The following SHQ1 variants were observed in gnomAD, a reference collection of about 807,000 sequenced individuals.
SHQ1 encodes the protein SHQ1, H/ACA ribonucleoprotein assembly factor.
Under a neutral mutation model 53.8 loss-of-function variants are expected in SHQ1, and 49 were observed. That is an observed-to-expected ratio of 0.91 (90% CI 0.72 to 1.16). The LOEUF (loss-of-function observed/expected upper bound fraction) is 1.16, where lower values mean the gene tolerates loss of function less well. SHQ1 is among the 50% of genes most tolerant of loss of function. The pLI is 0.00. For synonymous variants in SHQ1, 243 were observed against 251.0 expected, an observed-to-expected ratio of 0.97 and a Z score of 0.30; for missense variants, 738 against 683.1, an observed-to-expected ratio of 1.08 and a Z score of -0.90.
chr3:72,746,133 G>T (rs1480817419), downstream of SHQ1, among the ~76,000 whole-genome samples: 1 of 152,136 alleles, frequency 6.6e-6, no homozygotes, highest in Non-Finnish European at 1.5e-5. Context: ...ATGAGCCATC[G>T]CGCCCAGCCC....
the SHQ1 span, among the ~76,000 whole-genome samples, chr3:72,735,360 G>A: frequency 6.8e-6 from 1 of 146,200 alleles, no homozygotes; most frequent in Non-Finnish European, 1.5e-5. Flanking sequence ...CTAGCTCGAG[G>A]CTTGTTGGTC....
chr3:72,737,325 G>A, the SHQ1 span, among the ~76,000 whole-genome samples: 48 of 151,974 alleles, frequency 3.2e-4, no homozygotes, highest in African/African-American at 1.1e-3. Context: ...GTACTGTAGG[G>A]TTAAAACCAC....
At chr3:72,753,713 A>G (rs926073788) in intron 10 of SHQ1, 3 of 821,278 alleles carry the variant, frequency 3.7e-6, no homozygotes, top group Non-Finnish European at 4.4e-6. Flanking sequence ...GAGTCAGTTA[A>G]TGATTCACCA....
At chr3:72,795,927 A>AC (rs1290887107) in intron 9 of SHQ1, among the ~76,000 whole-genome samples, 17 of 151,946 alleles carry the variant, frequency 1.1e-4, no homozygotes, top group African/African-American at 4.1e-4. Context: ...GCATGGTGAA[A>AC]CCCCATCTCT....
chr3:72,734,640 T>C, the SHQ1 span, among the ~76,000 whole-genome samples: 41 of 151,594 alleles, frequency 2.7e-4, 1 homozygote, highest in African/African-American at 9.2e-4. Flanking sequence ...AAATGGTACA[T>C]TGCATCTAGC....
At chr3:72,742,619 C>CTTTTT in the SHQ1 span, among the ~76,000 whole-genome samples, 9 of 128,612 alleles carry the variant, frequency 7.0e-5, 1 homozygote, top group Non-Finnish European at 1.1e-4. Context: ...TTCTTTTTTT[C>CTTTTT]TTTTTTTTTT....
At chr3:72,757,145 C>T (rs775627572) in intron 10 of SHQ1, among the ~76,000 whole-genome samples, 2 of 152,188 alleles carry the variant, frequency 1.3e-5, no homozygotes, top group Non-Finnish European at 2.9e-5. Context: ...CTATAAATCT[C>T]AGAGTAACCG....
At chr3:72,753,588 C>T in intron 10 of SHQ1, 1 of 985,272 alleles carries the variant, frequency 1.0e-6, no homozygotes, top group Non-Finnish European at 1.2e-6. Context: ...AGGGCAGTCA[C>T]CATCGTTGAT....
In SHQ1 at chr3:72,848,421, C is replaced by T. The variant is rs759599165; in HGVS notation, c.-81G>A. On this transcript the variant is annotated 5_prime_UTR_variant, in exon 1 of 11. The change creates a new upstream start codon in the 5' untranslated region. Transcript: ENST00000325599. ...GCCACGCAAACTCTCCAACTCCCCA[C>T]GCGCAGGAACTCTCGGTGTGAGGGA... is the stretch of plus-strand genomic sequence containing the variant. 6.4e-7 allele frequency: 1 copy of T among 1,565,686 alleles called. No individual in the cohort carries two copies. The highest frequency in any genetic ancestry group is 8.6e-7 in the Non-Finnish European group (1 of 1,158,342).
intron 10 of SHQ1, among the ~76,000 whole-genome samples, chr3:72,778,601 C>T (rs1706007698): frequency 1.3e-5 from 2 of 151,974 alleles, no homozygotes; most frequent in African/African-American, 2.4e-5. Context: ...TTTTATATTT[C>T]ATAAGAAAAC....
Position 72,839,822 on chromosome 3 carries a change from G to A in SHQ1, c.486+1223C>T, listed in dbSNP as rs561099119. Reference sequence around the variant, plus strand: ...GTTGCCCAGGCTGGAGTGCAGTGGCGAGATCTCAGCTCACTGCAACCTCTG... The same window carrying A: ...GTTGCCCAGGCTGGAGTGCAGTGGCAAGATCTCAGCTCACTGCAACCTCTG... On this transcript the variant is annotated intron_variant, in intron 4 of 10. Coordinates refer to ENST00000325599, the MANE Select transcript of SHQ1 (RefSeq NM_018130.3). 1.1e-4 allele frequency among the ~76,000 whole-genome samples: 16 copies of A among 152,088 alleles called. No individual in the cohort carries two copies. In the South Asian group the frequency reaches 1.2e-3, roughly 12 times the overall value.
intron 1 of SHQ1, chr3:72,846,120 T>C: frequency 8.0e-7 from 1 of 1,242,692 alleles, no homozygotes; most frequent in Non-Finnish European, 1.1e-6. Flanking sequence ...AGGTGAGCAT[T>C]CAGAAAATGT....
the SHQ1 span, among the ~76,000 whole-genome samples, chr3:72,728,947 G>A: frequency 1.3e-5 from 2 of 152,218 alleles, no homozygotes; most frequent in Admixed American, 1.3e-4. Context: ...CGCTGCTACT[G>A]AGAGCCCAGA....
At chr3:72,803,545 G>T (rs1258360082) in intron 9 of SHQ1, among the ~76,000 whole-genome samples, 1 of 152,188 alleles carries the variant, frequency 6.6e-6, no homozygotes, top group African/African-American at 2.4e-5. Flanking sequence ...ATTTGGAATG[G>T]CAAGCAGCCA....
At chr3:72,745,802 C>A (rs528060996), downstream of SHQ1, among the ~76,000 whole-genome samples, 3 of 151,880 alleles carry the variant, frequency 2.0e-5, no homozygotes, top group South Asian at 6.2e-4. Flanking sequence ...TTTCTGTCTA[C>A]GGCCATACCA....
chr3:72,803,623 A>G (rs941177685), intron 9 of SHQ1, among the ~76,000 whole-genome samples: 4 of 152,198 alleles, frequency 2.6e-5, no homozygotes, highest in African/African-American at 4.8e-5. Context: ...CAGAGGTGGT[A>G]AATTTTCTCT....
At chr3:72,808,250 T>A (rs1002668132) in intron 9 of SHQ1, among the ~76,000 whole-genome samples, 3 of 152,146 alleles carry the variant, frequency 2.0e-5, no homozygotes, top group African/African-American at 7.2e-5. Context: ...GGGAAGACAG[T>A]ATCATGAATC....
the SHQ1 span, among the ~76,000 whole-genome samples, chr3:72,732,381 C>G: frequency 8.3e-6 from 1 of 119,940 alleles, no homozygotes; most frequent in Non-Finnish European, 1.7e-5. Context: ...TGCCTGCCTG[C>G]CTGCCTGCCT....
intron 1 of SHQ1, among the ~76,000 whole-genome samples, chr3:72,847,992 A>C (rs1708403059): frequency 6.6e-6 from 1 of 152,132 alleles, no homozygotes; most frequent in South Asian, 2.1e-4. Context: ...TATGGGATTT[A>C]AGAAAGCTCA....
Sources: allele counts gnomAD v4.1 joint callset (sites outside exome capture counted in the v4.1 genomes callset), GRCh38; gene constraint gnomAD v4.1.1; transcripts MANE v1.5; gene names NCBI Gene and HGNC (gene_info 2026-07-23, HGNC 2026-07-21).